Variants in DENND5A observed in about 807,000 individuals in gnomAD.
The protein encoded by DENND5A is DENN domain containing 5A, also known as DENN domain-containing protein 5A.
A neutral mutation model predicts 140.3 loss-of-function variants in DENND5A; 64 were observed. The observed-to-expected ratio is 0.46, with a 90% confidence interval of 0.37 to 0.56. The LOEUF (loss-of-function observed/expected upper bound fraction) is 0.56. DENND5A is among the 20% of genes least tolerant of loss of function. DENND5A has a pLI of 0.00. For missense variants in DENND5A, 1,292 were observed against 1,593.8 expected, an observed-to-expected ratio of 0.81 and a Z score of 3.22; for synonymous variants, 605 against 607.7, an observed-to-expected ratio of 1.00 and a Z score of 0.07.
At chr11:9,230,427 G>C (rs1232865772) in intron 1 of DENND5A, among the ~76,000 whole-genome samples, 1 of 151,398 alleles carries the variant, frequency 6.6e-6, no homozygotes, top group Non-Finnish European at 1.5e-5. Context: ...ATTTTTTGCA[G>C]ACAGGTTCTC....
chr11:9,139,130 CA>C lies in DENND5A; in HGVS notation c.*540del, dbSNP rs1564875155. 6.5e-6 allele frequency: 1 copy of C among 152,708 alleles called. No homozygotes were observed. The highest frequency in any genetic ancestry group is 6.5e-5 in the Admixed American group (1 of 15,292). 9.5% of individuals were successfully genotyped at this position (152,708 alleles called of 1,614,324 possible). The stretch of plus-strand genomic sequence containing the variant: ...ATGTCTCCTTCCCAAACAATACTGA[CA>C]AAAAAGAAAATACGTGGGACTGACT... On this transcript the variant is annotated 3_prime_UTR_variant, in exon 23 of 23. Transcript: ENST00000328194.
rs527333368 is a variant in DENND5A at position 9,199,384 on chromosome 11, C to T, written c.949+4276G>A. 2.6e-5 allele frequency among the ~76,000 whole-genome samples: 4 copies of T among 152,202 alleles called. No individual in the cohort carries two copies. In the South Asian group the frequency reaches 8.3e-4, roughly 32 times the overall value. Reference sequence around the variant, plus strand: ...CGGCAGTACATGCCTGTAGTCCCAGCTACCCAGGAGGCTGAGGTGGGAGGA... The same window carrying T: ...CGGCAGTACATGCCTGTAGTCCCAGTTACCCAGGAGGCTGAGGTGGGAGGA... On this transcript the variant is annotated intron_variant, in intron 4 of 22. Transcript: ENST00000328194.
intron 1 of DENND5A, among the ~76,000 whole-genome samples, chr11:9,210,578 CTG>C (rs1335642999): frequency 6.6e-6 from 1 of 152,192 alleles, no homozygotes; most frequent in East Asian, 1.9e-4. Context: ...AGGTCACACT[CTG>C]TTGCCCAGGC....
At chr11:9,180,637 A>G (rs1848695515) in intron 6 of DENND5A, 130 bp downstream of exon 6, 3 of 868,762 alleles carry the variant, frequency 3.5e-6, no homozygotes, top group Non-Finnish European at 5.4e-6. Flanking sequence ...TCCCCCATAC[A>G]GAACATTCTT....
chr11:9,178,513 AC>A (rs1848620404), intron 7 of DENND5A, 147 bp from the exon 8 acceptor site: 385 of 607,154 alleles, frequency 6.3e-4, no homozygotes, highest in Non-Finnish European at 9.2e-4. Context: ...AAAAAAAAAA[AC>A]CCACTCATGT....
intron 1 of DENND5A, among the ~76,000 whole-genome samples, chr11:9,264,474 T>A (rs1852352827): frequency 6.6e-6 from 1 of 152,078 alleles, no homozygotes. Flanking sequence ...GCAATCTGAC[T>A]CAGGGGGCCC....
intron 5 of DENND5A, among the ~76,000 whole-genome samples, chr11:9,185,872 T>C (rs1351676870): frequency 6.6e-6 from 1 of 152,074 alleles, no homozygotes; most frequent in Non-Finnish European, 1.5e-5. Flanking sequence ...TCTGTGTGTG[T>C]GCGTTTTCTG....
chr11:9,255,862 CT>C (rs1564944971), intron 1 of DENND5A, among the ~76,000 whole-genome samples: 1 of 145,192 alleles, frequency 6.9e-6, no homozygotes, highest in African/African-American at 2.6e-5. Flanking sequence ...GAGACTCCGT[CT>C]AAAAAAAAAA....
intron 1 of DENND5A, among the ~76,000 whole-genome samples, chr11:9,223,396 C>T (rs1163575531): frequency 6.6e-6 from 1 of 151,916 alleles, no homozygotes; most frequent in Non-Finnish European, 1.5e-5. Context: ...AAAAATTAGC[C>T]AGGCATGATG....
At chr11:9,231,824 C>G (rs1451658627) in intron 1 of DENND5A, among the ~76,000 whole-genome samples, 2 of 149,536 alleles carry the variant, frequency 1.3e-5, no homozygotes, top group Non-Finnish European at 3.0e-5. Context: ...AATTCTCTCT[C>G]TTTTTTTTTA....
chr11:9,235,651 C>CT (rs1425102554), intron 1 of DENND5A, among the ~76,000 whole-genome samples: 2 of 148,792 alleles, frequency 1.3e-5, no homozygotes, highest in East Asian at 2.0e-4. Context: ...GAGCAAGACT[C>CT]TGTCTCAAAA....
intron 1 of DENND5A, among the ~76,000 whole-genome samples, chr11:9,219,926 T>C (rs1055753360): frequency 6.6e-5 from 10 of 152,234 alleles, no homozygotes; most frequent in Non-Finnish European, 1.0e-4. Flanking sequence ...AACACATTTT[T>C]TCTGATTGGA....
At chr11:9,206,890 G>A (rs1849708826) in intron 2 of DENND5A, 108 bp from the exon 3 acceptor site, 9 of 771,526 alleles carry the variant, frequency 1.2e-5, no homozygotes, top group Non-Finnish European at 1.5e-5. Context: ...TGAAGGCAAG[G>A]GGGTTAGTAT....
intron 12 of DENND5A, among the ~76,000 whole-genome samples, chr11:9,159,566 T>G (rs1847914489): frequency 6.6e-6 from 1 of 152,160 alleles, no homozygotes; most frequent in Non-Finnish European, 1.5e-5. Flanking sequence ...GATCCACCTG[T>G]CTTGGCCTCC....
intron 1 of DENND5A, among the ~76,000 whole-genome samples, chr11:9,260,366 T>C (rs1427453312): frequency 6.6e-6 from 1 of 152,096 alleles, no homozygotes; most frequent in Middle Eastern, 3.2e-3. Context: ...AACCTTCTCC[T>C]GGGGTCACCT....
intron 4 of DENND5A, among the ~76,000 whole-genome samples, chr11:9,202,632 T>C (rs544766350): frequency 1.3e-5 from 2 of 152,288 alleles, no homozygotes; most frequent in South Asian, 2.1e-4. Context: ...AAAGCCAAAG[T>C]CCTTACAATG....
intron 4 of DENND5A, among the ~76,000 whole-genome samples, chr11:9,195,064 C>CA (rs1191983295): frequency 2.8e-5 from 4 of 143,958 alleles, no homozygotes; most frequent in Non-Finnish European, 6.0e-5. Context: ...TTGGTACAGC[C>CA]AATAAAATTG....
intron 5 of DENND5A, among the ~76,000 whole-genome samples, chr11:9,185,018 T>G (rs11601190): frequency 0.1 from 15,498 of 151,890 alleles, 923 homozygotes; most frequent in African/African-American, 0.16. Flanking sequence ...TGGCGAAACC[T>G]CATCTCTACT....
chr11:9,142,311 T>C (rs1035302034), intron 21 of DENND5A, among the ~76,000 whole-genome samples: 1 of 152,168 alleles, frequency 6.6e-6, no homozygotes, highest in Non-Finnish European at 1.5e-5. Context: ...ATGTGGCCCT[T>C]GATATAAAGA....
Sources: allele counts gnomAD v4.1 joint callset (sites outside exome capture counted in the v4.1 genomes callset), GRCh38; gene constraint gnomAD v4.1.1; transcripts MANE v1.5; gene names NCBI Gene and HGNC (gene_info 2026-07-23, HGNC 2026-07-21).